Variants in FOXP2 observed in about 807,000 individuals in gnomAD.
The protein encoded by FOXP2 is forkhead box P2.
A neutral mutation model predicts 115.8 loss-of-function variants in FOXP2; 12 were observed. The ratio of observed to expected loss-of-function variants is 0.10; its 90% CI spans 0.07 to 0.17. The LOEUF is 0.17. Ranked by LOEUF, FOXP2 falls within the 10% of genes least tolerant of loss-of-function variation. The pLI is 1.00. For missense variants in FOXP2, 629 were observed against 843.5 expected, an observed-to-expected ratio of 0.75 and a Z score of 3.15; for synonymous variants, 328 against 297.7, an observed-to-expected ratio of 1.10 and a Z score of -1.05.
At chr7:114,613,971 C>G (rs952592123) in intron 3 of FOXP2, 1 of 152,038 alleles carries the variant, frequency 6.6e-6, no homozygotes, top group African/African-American at 2.4e-5. Context: ...AACCAGTCTC[C>G]TATTGATTGT....
intron 10 of FOXP2, among the ~76,000 whole-genome samples, chr7:114,657,542 A>C (rs1220419834): frequency 6.6e-6 from 1 of 152,184 alleles, no homozygotes; most frequent in African/African-American, 2.4e-5. Context: ...TAGTAATGTC[A>C]TTACCATTCC....
At position 114,166,323 on chromosome 7, in the gene FOXP2, C is replaced by G. The variant is rs1471219691; in HGVS notation, c.-102+3235C>G. ...CTGTTAAGAGAATGAAAAGATAAGC[C>G]ACAAACTGGGAGAAAATATTTGTAA... On this transcript the variant is annotated intron_variant, in intron 1 of 17. Transcript: ENST00000634411. Among the ~76,000 whole-genome samples the G allele has an allele frequency of 2.0e-5, 3 of 151,900 alleles. No individual in the cohort carries two copies. In the East Asian group the frequency reaches 5.8e-4, roughly 29 times the overall value.
At position 114,438,608 on chromosome 7, in the gene FOXP2, T is replaced by C. The variant is rs144955922; in HGVS notation, c.168+11929T>C. Among the ~76,000 whole-genome samples the C allele has an allele frequency of 3.7e-3, 565 of 152,214 alleles. 5 individuals are homozygous for C. Among genetic ancestry groups the C allele is most frequent in the African/African-American group, 0.013 (541 of 41,560 alleles). On this transcript the variant is annotated intron_variant, in intron 2 of 16. Transcript: ENST00000350908. Reference sequence around the variant, plus strand: ...AATATATGTGTTTCGTTAGTCAAGATAACATCATTATGTAGAATTTTTCCC... The same window carrying C: ...AATATATGTGTTTCGTTAGTCAAGACAACATCATTATGTAGAATTTTTCCC...
At chr7:114,434,742 A>G (rs1440909578) in intron 2 of FOXP2, among the ~76,000 whole-genome samples, 3 of 152,134 alleles carry the variant, frequency 2.0e-5, no homozygotes, top group African/African-American at 7.2e-5. Context: ...GTACTGTCAA[A>G]TTAATACTTT....
At chr7:114,127,022 G>A (rs1258492904) in intron 1 of FOXP2, among the ~76,000 whole-genome samples, 2 of 152,134 alleles carry the variant, frequency 1.3e-5, no homozygotes, top group African/African-American at 4.8e-5. Flanking sequence ...TGCAATCAAG[G>A]TGTCAGTGAG....
At chr7:114,656,790 T>C (rs1806615333) in intron 10 of FOXP2, among the ~76,000 whole-genome samples, 1 of 152,056 alleles carries the variant, frequency 6.6e-6, no homozygotes, top group Non-Finnish European at 1.5e-5. Context: ...AATTTTTGTT[T>C]CCCTAACAAA....
intron 1 of FOXP2, among the ~76,000 whole-genome samples, chr7:114,102,644 C>T (rs750806052): frequency 2.4e-4 from 36 of 149,780 alleles, no homozygotes; most frequent in Non-Finnish European, 4.6e-4. Context: ...AGGCAGTGGG[C>T]TAGTTTTAAC....
chr7:114,687,731 A>G (rs1808439701), intron 16 of FOXP2, among the ~76,000 whole-genome samples: 1 of 152,150 alleles, frequency 6.6e-6, no homozygotes, highest in Non-Finnish European at 1.5e-5. Flanking sequence ...ATGTGACAGT[A>G]CTTTTAGAAG....
At chr7:114,271,409 G>A (rs942263796) in intron 1 of FOXP2, among the ~76,000 whole-genome samples, 1 of 146,168 alleles carries the variant, frequency 6.8e-6, no homozygotes, top group African/African-American at 2.5e-5. Context: ...GTTAGCTGTC[G>A]GGATTTCATA....
rs1796499357 is a variant in FOXP2 at position 114,480,748 on chromosome 7, T to C, written c.169-53869T>C. Among the ~76,000 whole-genome samples, 3 of 150,528 alleles carry C rather than the reference T, an allele frequency of 2.0e-5. No homozygotes were observed. In the South Asian group the frequency reaches 6.2e-4, roughly 31 times the overall value. ...ATATACACGTATATATGTGTATGTA[T>C]GTATACGTATATATATACGTATACA... On this transcript the variant is annotated intron_variant, in intron 2 of 16. Coordinates refer to ENST00000350908, the MANE Select transcript of FOXP2 (RefSeq NM_014491.4).
chr7:114,252,536 C>G (rs1012784453), intron 1 of FOXP2, among the ~76,000 whole-genome samples: 1 of 152,064 alleles, frequency 6.6e-6, no homozygotes, highest in African/African-American at 2.4e-5. Context: ...TGTATGTGTC[C>G]AGGAATTTAT....
At chr7:114,257,627 G>T (rs1264507122) in intron 1 of FOXP2, among the ~76,000 whole-genome samples, 1 of 139,836 alleles carries the variant, frequency 7.2e-6, no homozygotes, top group African/African-American at 3.1e-5. Flanking sequence ...CTAGTTTTTT[G>T]TATTTTTAGT....
chr7:114,516,899 T>C (rs566808075), intron 2 of FOXP2, among the ~76,000 whole-genome samples: 1 of 152,270 alleles, frequency 6.6e-6, no homozygotes, highest in African/African-American at 2.4e-5. Context: ...TTTCACCATG[T>C]TGCCCAGAAT....
intron 3 of FOXP2, among the ~76,000 whole-genome samples, chr7:114,545,041 T>C (rs540819015): frequency 6.6e-6 from 1 of 152,288 alleles, no homozygotes; most frequent in African/African-American, 2.4e-5. Flanking sequence ...GATGGAATCT[T>C]TGGAAATAAA....
chr7:114,385,835 T>A (rs1468399958), intron 2 of FOXP2, among the ~76,000 whole-genome samples: 8 of 152,124 alleles, frequency 5.3e-5, no homozygotes, highest in Non-Finnish European at 1.0e-4. Context: ...ACTTCCAAGA[T>A]GGTGGCGGGC....
chr7:114,360,690 T>C (rs1311529949), intron 2 of FOXP2, among the ~76,000 whole-genome samples: 1 of 152,060 alleles, frequency 6.6e-6, no homozygotes, highest in Non-Finnish European at 1.5e-5. Flanking sequence ...ATCAGGAAAA[T>C]GGAGAATTGG....
At chr7:114,308,237 G>A (rs965108988) in intron 2 of FOXP2, among the ~76,000 whole-genome samples, 1 of 152,056 alleles carries the variant, frequency 6.6e-6, no homozygotes, top group East Asian at 1.9e-4. Context: ...ACCCACCTTG[G>A]TCCTCATAGG....
At chr7:114,186,435 C>A (rs1562996727) in intron 1 of FOXP2, among the ~76,000 whole-genome samples, 2 of 152,140 alleles carry the variant, frequency 1.3e-5, no homozygotes, top group Non-Finnish European at 2.9e-5. Flanking sequence ...CCCAACAGAG[C>A]AAACAGCATT....
chr7:114,457,518 C>T (rs968275683), intron 2 of FOXP2, among the ~76,000 whole-genome samples: 5 of 152,130 alleles, frequency 3.3e-5, no homozygotes, highest in Non-Finnish European at 7.4e-5. Context: ...AATTGCTGCT[C>T]ATATTTTTAA....
Sources: gnomAD v4.1 joint callset for allele counts (sites outside exome capture counted in the v4.1 genomes callset) on GRCh38, gnomAD v4.1.1 for gene constraint, MANE v1.5 for transcripts, NCBI Gene and HGNC (gene_info 2026-07-23, HGNC 2026-07-21) for gene names.